Variants in FBXL2 observed in about 807,000 individuals in gnomAD.
FBXL2 encodes the protein F-box/LRR-repeat protein 2.
Under a neutral mutation model 69.2 loss-of-function variants are expected in FBXL2, and 38 were observed. The ratio of observed to expected loss-of-function variants is 0.55; its 90% CI spans 0.42 to 0.72. The LOEUF is 0.72. Among genes scored for constraint, FBXL2 ranks in the 30% least tolerant of loss-of-function variants. The pLI is 0.00. For missense variants in FBXL2, 354 were observed against 520.3 expected, an observed-to-expected ratio of 0.68 and a Z score of 3.11; for synonymous variants, 192 against 201.3, an observed-to-expected ratio of 0.95 and a Z score of 0.39.
At chr3:33,277,588 C>T (rs1323989499) in intron 1 of FBXL2, 73 bp downstream of exon 1, 8 of 1,240,468 alleles carry the variant, frequency 6.4e-6, no homozygotes, top group South Asian at 3.9e-5. Flanking sequence ...CGCCGCCGCC[C>T]GCTAGGGTCG....
chr3:33,407,747 T>C (rs961856802), downstream of FBXL2, among the ~76,000 whole-genome samples: 2 of 152,208 alleles, frequency 1.3e-5, no homozygotes, highest in African/African-American at 4.8e-5. Flanking sequence ...AATTGCGATA[T>C]GTGTAAGAAT....
At chr3:33,384,778 C>T (rs998534448) in intron 14 of FBXL2, among the ~76,000 whole-genome samples, 6 of 152,082 alleles carry the variant, frequency 3.9e-5, no homozygotes, top group Admixed American at 6.5e-5. Flanking sequence ...CGGTGGCTCA[C>T]GACTCTAATC....
At chr3:33,328,341 GA>G (rs1167191233) in intron 2 of FBXL2, among the ~76,000 whole-genome samples, 10 of 151,924 alleles carry the variant, frequency 6.6e-5, no homozygotes, top group Admixed American at 4.6e-4. Flanking sequence ...TACAGAAATA[GA>G]AAAAAATCCT....
the FBXL2 span, chr3:33,411,484 TAGACATTTAAA>T: frequency 1.9e-6 from 2 of 1,025,842 alleles, no homozygotes; most frequent in East Asian, 5.0e-5. Flanking sequence ...AGTTTATAAA[TAGACATTTAAA>T]GGAAATGATA....
At chr3:33,344,849 A>C (rs1027692358) in intron 2 of FBXL2, among the ~76,000 whole-genome samples, 1 of 152,202 alleles carries the variant, frequency 6.6e-6, no homozygotes, top group African/African-American at 2.4e-5. Flanking sequence ...CAAATAACTG[A>C]TACCAGAAAC....
downstream of FBXL2, chr3:33,392,658 T>C: frequency 6.5e-7 from 1 of 1,538,214 alleles, no homozygotes; most frequent in Non-Finnish European, 8.9e-7. Context: ...AAGATCCAAC[T>C]GTCGTTTCTT....
intron 2 of FBXL2, among the ~76,000 whole-genome samples, chr3:33,336,038 G>T (rs550907286): frequency 6.6e-6 from 1 of 152,114 alleles, no homozygotes. Flanking sequence ...TTACAGATTC[G>T]AAACAATTTT....
chr3:33,405,870 C>CT (rs1251781904), downstream of FBXL2, among the ~76,000 whole-genome samples: 2 of 152,268 alleles, frequency 1.3e-5, no homozygotes, highest in South Asian at 4.1e-4. Context: ...TCACCAATGG[C>CT]TACAGGGGCT....
chr3:33,333,620 T>C (rs995858483), intron 2 of FBXL2, among the ~76,000 whole-genome samples: 1 of 152,088 alleles, frequency 6.6e-6, no homozygotes, highest in African/African-American at 2.4e-5. Context: ...CCTTCATAAA[T>C]GAGTAGAGAG....
intron 5 of FBXL2, among the ~76,000 whole-genome samples, chr3:33,368,460 A>T (rs2042089977): frequency 6.6e-6 from 1 of 152,174 alleles, no homozygotes; most frequent in African/African-American, 2.4e-5. Context: ...TTTCTTTACT[A>T]TAAAATCTTC....
chr3:33,364,013 A>G (rs2041796953), intron 4 of FBXL2, among the ~76,000 whole-genome samples: 1 of 152,164 alleles, frequency 6.6e-6, no homozygotes, highest in Admixed American at 6.5e-5. Context: ...AATAGAAAAC[A>G]TTTTTTAAAA....
intron 13 of FBXL2, among the ~76,000 whole-genome samples, chr3:33,380,334 A>G (rs2042955408): frequency 6.6e-6 from 1 of 152,018 alleles, no homozygotes; most frequent in Non-Finnish European, 1.5e-5. Flanking sequence ...AGGCAGGCAG[A>G]TTGCCTGAGG....
chr3:33,413,684 C>T, the FBXL2 span, among the ~76,000 whole-genome samples: 3 of 151,988 alleles, frequency 2.0e-5, no homozygotes, highest in Non-Finnish European at 4.4e-5. Context: ...TCCCAGCAGC[C>T]AATTAAAAGC....
At chr3:33,419,667 A>G in the FBXL2 span, among the ~76,000 whole-genome samples, 2 of 151,696 alleles carry the variant, frequency 1.3e-5, no homozygotes, top group African/African-American at 4.8e-5. Flanking sequence ...AAAAGACTCT[A>G]TAACACTTGC....
At chr3:33,410,535 A>AT in the FBXL2 span, among the ~76,000 whole-genome samples, 2,033 of 152,316 alleles carry the variant, frequency 0.013, 19 homozygotes, top group South Asian at 0.027. Flanking sequence ...AATACAAATG[A>AT]TTTTTTACAG....
chr3:33,322,747 A>G (rs2038344880), intron 2 of FBXL2, among the ~76,000 whole-genome samples: 1 of 152,210 alleles, frequency 6.6e-6, no homozygotes, highest in African/African-American at 2.4e-5. Flanking sequence ...ATTACTGGTA[A>G]CATTTTGGTT....
At chr3:33,372,999 AG>A in intron 5 of FBXL2, 92 bp from the exon 6 acceptor site, 1 of 1,034,554 alleles carries the variant, frequency 9.7e-7, no homozygotes, top group South Asian at 1.3e-5. Context: ...ATTAAGTTTG[AG>A]GGAGCGCTGT....
chr3:33,416,931 A>C, the FBXL2 span: 1 of 1,023,734 alleles, frequency 9.8e-7, no homozygotes. Context: ...CATACATTAC[A>C]CAATGATAGT....
At chr3:33,280,138 TTTC>T (rs1234254988) in intron 1 of FBXL2, among the ~76,000 whole-genome samples, 1 of 152,202 alleles carries the variant, frequency 6.6e-6, no homozygotes, top group African/African-American at 2.4e-5. Context: ...CTCTCCCCTC[TTTC>T]TTCTTTCCTT....
Sources: gnomAD v4.1 joint callset for allele counts (sites outside exome capture counted in the v4.1 genomes callset) on GRCh38, gnomAD v4.1.1 for gene constraint, MANE v1.5 for transcripts, NCBI Gene and HGNC (gene_info 2026-07-23, HGNC 2026-07-21) for gene names.